The following RIT2 variants were observed in gnomAD, a reference collection of about 807,000 sequenced individuals.
The protein encoded by RIT2 is GTP-binding protein Rit2.
RIT2 carries 24 observed loss-of-function variants against 23.7 expected under a neutral mutation model. The observed-to-expected ratio is 1.01, with a 90% CI of 0.73 to 1.43. The LOEUF (loss-of-function observed/expected upper bound fraction) is 1.43, where lower values mean the gene tolerates loss of function less well. RIT2 is among the 40% of genes most tolerant of loss of function. RIT2 has a pLI of 0.00. For synonymous variants in RIT2, 107 were observed against 91.1 expected, an observed-to-expected ratio of 1.17 and a Z score of -0.99; for missense variants, 236 against 266.9, an observed-to-expected ratio of 0.88 and a Z score of 0.81.
chr18:42,785,712 G>A (rs1443797935), intron 4 of RIT2, among the ~76,000 whole-genome samples: 2 of 152,116 alleles, frequency 1.3e-5, no homozygotes, highest in African/African-American at 4.8e-5. Context: ...TATTGCCTGT[G>A]TATACCTACA....
chr18:42,999,271 G>T (rs994695592), intron 2 of RIT2, among the ~76,000 whole-genome samples: 1 of 151,860 alleles, frequency 6.6e-6, no homozygotes, highest in African/African-American at 2.4e-5. Flanking sequence ...TCATTACTCG[G>T]ATCAGTTTAT....
intron 2 of RIT2, among the ~76,000 whole-genome samples, chr18:43,032,955 T>G (rs1025926459): frequency 1.7e-4 from 26 of 152,174 alleles, no homozygotes; most frequent in Admixed American, 9.2e-4. Flanking sequence ...TAAGATATAT[T>G]CAGACTGAGG....
intron 2 of RIT2, among the ~76,000 whole-genome samples, chr18:43,024,553 A>T (rs1457726571): frequency 6.6e-6 from 1 of 152,136 alleles, no homozygotes; most frequent in East Asian, 1.9e-4. Flanking sequence ...AAAAACAAAA[A>T]TAGACAGATA....
intron 4 of RIT2, among the ~76,000 whole-genome samples, chr18:42,843,189 G>A (rs913293805): frequency 5.3e-5 from 8 of 152,142 alleles, no homozygotes; most frequent in Non-Finnish European, 1.0e-4. Flanking sequence ...TATAGTTAGA[G>A]TGAAAAATGG....
chr18:42,913,502 T>C (rs1199660002), intron 4 of RIT2, among the ~76,000 whole-genome samples: 1 of 151,542 alleles, frequency 6.6e-6, no homozygotes, highest in African/African-American at 2.4e-5. Flanking sequence ...ATCCAGAATA[T>C]GCAAAGAACT....
chr18:42,822,688 A>C (rs1906186634), intron 4 of RIT2, among the ~76,000 whole-genome samples: 1 of 152,148 alleles, frequency 6.6e-6, no homozygotes, highest in African/African-American at 2.4e-5. Context: ...TTTCTGCTAA[A>C]GGTTTATCAA....
chr18:42,895,395 G>T (rs2144099705), intron 4 of RIT2, among the ~76,000 whole-genome samples: 1 of 152,262 alleles, frequency 6.6e-6, no homozygotes, highest in Admixed American at 6.5e-5. Context: ...CTCTGAAAAT[G>T]AAACATTTTA....
At chr18:42,787,854 C>T (rs184874523) in intron 4 of RIT2, among the ~76,000 whole-genome samples, 1 of 151,852 alleles carries the variant, frequency 6.6e-6, no homozygotes, top group African/African-American at 2.4e-5. Context: ...GGATCTTTTG[C>T]TTATCTTGGT....
intron 4 of RIT2, among the ~76,000 whole-genome samples, chr18:42,867,203 C>A (rs1465603208): frequency 6.6e-6 from 1 of 152,050 alleles, no homozygotes; most frequent in African/African-American, 2.4e-5. Flanking sequence ...TGACAACAGG[C>A]TTTGTGGGGA....
rs892868312 is a variant in RIT2 at position 43,114,499 on chromosome 18, A to G, written c.103+918T>C. On this transcript the variant is annotated intron_variant, in intron 1 of 4. Transcript: ENST00000326695. ...TGATTTGTTTTGATGCTTTTTGTCCATGCTAACTATAATATTTTTTCTACC... is the reference window on the plus strand; with the variant it reads ...TGATTTGTTTTGATGCTTTTTGTCCGTGCTAACTATAATATTTTTTCTACC... Among the ~76,000 whole-genome samples, 38 of 152,078 alleles carry G rather than the reference A, an allele frequency of 2.5e-4. 1 individual carries two copies. The highest frequency in any genetic ancestry group is 8.7e-4 in the African/African-American group (36 of 41,426).
chr18:42,860,422 G>A (rs1161515387), intron 4 of RIT2, among the ~76,000 whole-genome samples: 2 of 152,106 alleles, frequency 1.3e-5, no homozygotes, highest in Non-Finnish European at 2.9e-5. Flanking sequence ...GCAAGCATTT[G>A]GTTAATTTTC....
intron 4 of RIT2, among the ~76,000 whole-genome samples, chr18:42,904,117 G>T (rs958738815): frequency 6.6e-6 from 1 of 152,048 alleles, no homozygotes; most frequent in African/African-American, 2.4e-5. Flanking sequence ...GAATTTCTTT[G>T]TATGACAGTG....
chr18:42,743,749 G>C (rs905553011), intron 4 of RIT2, 29 bp from the exon 5 acceptor site: 2 of 1,490,984 alleles, frequency 1.3e-6, no homozygotes, highest in African/African-American at 2.8e-5. Context: ...ATATTAAAAA[G>C]ACAGAAAGAG....
intron 4 of RIT2, among the ~76,000 whole-genome samples, chr18:42,777,319 C>G (rs1364522453): frequency 2.0e-5 from 3 of 150,714 alleles, no homozygotes; most frequent in Non-Finnish European, 4.4e-5. Flanking sequence ...AGAAACAGGA[C>G]TGGAGACATA....
chr18:42,816,262 G>A (rs1021893472), intron 4 of RIT2, among the ~76,000 whole-genome samples: 19 of 152,208 alleles, frequency 1.2e-4, no homozygotes, highest in African/African-American at 4.3e-4. Flanking sequence ...AGAGATGCTT[G>A]TGCACAATTG....
chr18:43,006,410 C>A (rs1247049630), intron 2 of RIT2, among the ~76,000 whole-genome samples: 1 of 151,580 alleles, frequency 6.6e-6, no homozygotes. Context: ...CAGGACAGTT[C>A]ACCAAACATT....
intron 2 of RIT2, among the ~76,000 whole-genome samples, chr18:43,019,945 A>C (rs1323396696): frequency 6.9e-6 from 1 of 144,040 alleles, no homozygotes; most frequent in African/African-American, 2.6e-5. Context: ...AATAGTTACC[A>C]AAAAAAAAAA....
intron 2 of RIT2, among the ~76,000 whole-genome samples, chr18:43,022,704 G>GT (rs1175196398): frequency 5.9e-5 from 9 of 151,884 alleles, no homozygotes; most frequent in African/African-American, 2.2e-4. Flanking sequence ...CAGGAAAGTT[G>GT]TTTTTTTCAT....
At chr18:43,103,526 A>G (rs1179992395) in intron 1 of RIT2, among the ~76,000 whole-genome samples, 1 of 152,246 alleles carries the variant, frequency 6.6e-6, no homozygotes, top group Non-Finnish European at 1.5e-5. Context: ...GGAAGGGATA[A>G]TAATCAGAAA....
Sources: allele counts gnomAD v4.1 joint callset (sites outside exome capture counted in the v4.1 genomes callset), GRCh38; gene constraint gnomAD v4.1.1; transcripts MANE v1.5; gene names NCBI Gene and HGNC (gene_info 2026-07-23, HGNC 2026-07-21).